TRPS1: variants seen among roughly 807,000 people sequenced by gnomAD.
TRPS1 encodes the protein zinc finger transcription factor Trps1.
Under a neutral mutation model 101.2 loss-of-function variants are expected in TRPS1, and 6 were observed. The ratio of observed to expected loss-of-function variants is 0.06; its 90% CI spans 0.03 to 0.12. TRPS1 has a LOEUF of 0.12. TRPS1 is among the 10% of genes least tolerant of loss of function. The pLI is 1.00. For synonymous variants in TRPS1, 578 were observed against 589.8 expected (o/e 0.98, Z 0.29); for missense variants, 1,363 against 1,567.0 (o/e 0.87, Z 2.20).
intron 5 of TRPS1, among the ~76,000 whole-genome samples, chr8:115,516,278 A>AT (rs1815709116): frequency 6.6e-6 from 1 of 151,336 alleles, no homozygotes; most frequent in Non-Finnish European, 1.5e-5. Flanking sequence ...TAGCAAATGA[A>AT]CTAAAGTATC....
At chr8:115,428,414 C>CTA (rs1298554249) in intron 5 of TRPS1, among the ~76,000 whole-genome samples, 4 of 152,168 alleles carry the variant, frequency 2.6e-5, no homozygotes, top group Non-Finnish European at 5.9e-5. Context: ...ACTCCTAACT[C>CTA]TAAACATTTT....
chr8:115,501,806 C>A (rs535887186), intron 5 of TRPS1, among the ~76,000 whole-genome samples: 3 of 152,052 alleles, frequency 2.0e-5, no homozygotes, highest in Non-Finnish European at 4.4e-5. Context: ...TCTATGAAAC[C>A]CACCCCTATC....
chr8:115,437,120 C>CT (rs1813475513), intron 5 of TRPS1, among the ~76,000 whole-genome samples: 1 of 152,158 alleles, frequency 6.6e-6, no homozygotes, highest in African/African-American at 2.4e-5. Flanking sequence ...AAGAGTCCAT[C>CT]ATTATCTACA....
chr8:115,441,957 T>A (rs1281811518), intron 5 of TRPS1, among the ~76,000 whole-genome samples: 1 of 150,618 alleles, frequency 6.6e-6, no homozygotes, highest in African/African-American at 2.5e-5. Context: ...GCCTCTGGCT[T>A]TTCTCCACAA....
chr8:115,522,451 T>G lies in TRPS1; in HGVS notation c.2700+64550A>C, dbSNP rs72680003. Among the ~76,000 whole-genome samples, 1,275 of 152,160 alleles carry G rather than the reference T, an allele frequency of 8.4e-3. 8 individuals are homozygous for G. The highest frequency in any genetic ancestry group is 0.013 in the Non-Finnish European group (877 of 67,932). ...AGTTATGGATTATGTTCTTCATTTGTCAAGTGGAAATTTTTTAAAAAAGAA... is the reference window on the plus strand; with the variant it reads ...AGTTATGGATTATGTTCTTCATTTGGCAAGTGGAAATTTTTTAAAAAAGAA... On this transcript the variant is annotated intron_variant, in intron 5 of 6. Transcript: ENST00000395715.
At position 115,545,967 on chromosome 8, in the gene TRPS1, A is replaced by G. The variant is rs1252945704; in HGVS notation, c.2700+41034T>C. 2.6e-5 allele frequency among the ~76,000 whole-genome samples: 4 copies of G among 152,256 alleles called. No homozygotes were observed. The East Asian group carries it at 7.7e-4, about 29-fold the overall frequency. On this transcript the variant is annotated intron_variant, in intron 5 of 6. Transcript: ENST00000395715. Reference sequence around the variant, plus strand: ...ATAAAACTTGCAGATAACCTAAAACAGTTTATGATCTCAAAAAAGTATATA... The same window carrying G: ...ATAAAACTTGCAGATAACCTAAAACGGTTTATGATCTCAAAAAAGTATATA...
chr8:115,579,367 A>G (rs1217286514), intron 5 of TRPS1, among the ~76,000 whole-genome samples: 8 of 152,132 alleles, frequency 5.3e-5, no homozygotes, highest in Non-Finnish European at 1.0e-4. Context: ...TATAGCTACA[A>G]TCAGAAAGTT....
At chr8:115,663,720 G>GAAA (rs1811859193) in intron 1 of TRPS1, among the ~76,000 whole-genome samples, 1 of 81,012 alleles carries the variant, frequency 1.2e-5, no homozygotes, top group South Asian at 3.4e-4. Context: ...TCTTGGAAAA[G>GAAA]GAAAAAAAAA....
chr8:115,491,381 C>G (rs1158587083), intron 5 of TRPS1, among the ~76,000 whole-genome samples: 2 of 152,122 alleles, frequency 1.3e-5, no homozygotes, highest in Admixed American at 6.6e-5. Context: ...CGCATTAGAT[C>G]ATTACCCATT....
At chr8:115,462,637 CTCTCTTTT>C (rs1170682680) in intron 5 of TRPS1, among the ~76,000 whole-genome samples, 2 of 68,588 alleles carry the variant, frequency 2.9e-5, no homozygotes, top group African/African-American at 8.9e-5. Flanking sequence ...CTCTCTCTCT[CTCTCTTTT>C]TTTTTTTTTT....
intron 2 of TRPS1, among the ~76,000 whole-genome samples, chr8:115,622,880 A>G (rs1307662821): frequency 6.6e-6 from 1 of 152,158 alleles, no homozygotes; most frequent in Non-Finnish European, 1.5e-5. Context: ...GAAAATGGCA[A>G]CATTTTAAAT....
At chr8:115,466,791 G>C (rs990888351) in intron 5 of TRPS1, among the ~76,000 whole-genome samples, 3 of 151,940 alleles carry the variant, frequency 2.0e-5, no homozygotes, top group Non-Finnish European at 4.4e-5. Context: ...TAAAAATAAA[G>C]CAATAAACTT....
At chr8:115,668,248 G>A (rs117673123) in intron 1 of TRPS1, 8,266 of 248,662 alleles carry the variant, frequency 0.033, 193 homozygotes, top group Non-Finnish European at 0.045. Context: ...AGAGAAGAAA[G>A]AAAGAAAGAA....
At chr8:115,642,905 G>T (rs1280325185) in intron 1 of TRPS1, among the ~76,000 whole-genome samples, 3 of 149,366 alleles carry the variant, frequency 2.0e-5, no homozygotes, top group Non-Finnish European at 4.4e-5. Flanking sequence ...ACACCTCGGA[G>T]ATACTACACC....
chr8:115,607,678 A>G (rs1818071422), intron 3 of TRPS1, among the ~76,000 whole-genome samples: 1 of 151,670 alleles, frequency 6.6e-6, no homozygotes, highest in Non-Finnish European at 1.5e-5. Flanking sequence ...ATATTATTAA[A>G]AGCTAATATA....
chr8:115,418,237 C>A lies in TRPS1; in HGVS notation c.2823+93G>T. On this transcript the variant is annotated intron_variant, in intron 6 of 6. Transcript: ENST00000395715. The surrounding 1 kb of genome is among the most constrained non-coding windows in gnomAD (Gnocchi z 4.3). ...ATTAAAACAACCCTGCGGGGGCAGG[C>A]ACTGCAAGCCAGGGAATGGGACTTA... The A allele has an allele frequency of 3.1e-6, 5 of 1,606,732 alleles. No individual in the cohort carries two copies. The East Asian group carries it at 6.7e-5, about 22-fold the overall frequency.
At chr8:115,475,520 T>C (rs924848253) in intron 5 of TRPS1, among the ~76,000 whole-genome samples, 4 of 152,022 alleles carry the variant, frequency 2.6e-5, no homozygotes, top group African/African-American at 9.7e-5. Flanking sequence ...TCAGTCTCAG[T>C]AAATGTATGG....
In TRPS1 at chr8:115,418,737, T is replaced by C. The variant is rs115980426; in HGVS notation, c.2701-285A>G. 0.011 allele frequency among the ~76,000 whole-genome samples: 1,649 copies of C among 152,284 alleles called. 25 individuals are homozygous for C. The highest frequency in any genetic ancestry group is 0.037 in the African/African-American group (1,518 of 41,552). On this transcript the variant is annotated intron_variant, in intron 5 of 6. Coordinates refer to ENST00000395715, the MANE Select transcript of TRPS1 (RefSeq NM_014112.5). The surrounding 1 kb of genome is among the most constrained non-coding windows in gnomAD (Gnocchi z 4.3). Reference sequence around the variant, plus strand: ...TATGGCTTTAATGATGGCTCCTAAATGCTGAACCCTAAAATATACCTTTTA... The same window carrying C: ...TATGGCTTTAATGATGGCTCCTAAACGCTGAACCCTAAAATATACCTTTTA...
chr8:115,533,412 G>A (rs1358120989), intron 5 of TRPS1, among the ~76,000 whole-genome samples: 1 of 132,868 alleles, frequency 7.5e-6, no homozygotes, highest in Non-Finnish European at 1.5e-5. Flanking sequence ...AAACATTAAG[G>A]GGCCCGCTTC....
Sources: allele counts gnomAD v4.1 joint callset (sites outside exome capture counted in the v4.1 genomes callset), GRCh38; gene constraint gnomAD v4.1.1; non-coding constraint Gnocchi (gnomAD v3.1); transcripts MANE v1.5; gene names NCBI Gene and HGNC (gene_info 2026-07-23, HGNC 2026-07-21).